SLC4A8: variants seen among roughly 807,000 people sequenced by gnomAD.
SLC4A8 encodes the protein solute carrier family 4 member 8.
Under a neutral mutation model 125.0 loss-of-function variants are expected in SLC4A8, and 40 were observed. That is an observed-to-expected ratio of 0.32 (90% CI 0.25 to 0.42). The LOEUF (loss-of-function observed/expected upper bound fraction) is 0.42, where lower values mean the gene tolerates loss of function less well. Ranked by LOEUF, SLC4A8 falls within the 10% of genes least tolerant of loss-of-function variation. The probability of loss-of-function intolerance (pLI) is 1.00; values close to 1 mark genes in which losing one functional copy is unlikely to be tolerated. For synonymous variants in SLC4A8, 456 were observed against 476.0 expected, an observed-to-expected ratio of 0.96 and a Z score of 0.55; for missense variants, 863 against 1,355.1, an observed-to-expected ratio of 0.64 and a Z score of 5.70.
chr12:51,416,956 C>A (rs1466821970), intron 1 of SLC4A8, among the ~76,000 whole-genome samples: 3 of 152,002 alleles, frequency 2.0e-5, no homozygotes, highest in East Asian at 3.9e-4. Flanking sequence ...GAAATCCTGT[C>A]TCTACAAAAA....
intron 16 of SLC4A8, among the ~76,000 whole-genome samples, chr12:51,476,845 C>T (rs1041264017): frequency 1.3e-5 from 2 of 151,320 alleles, no homozygotes; most frequent in Middle Eastern, 3.2e-3. Flanking sequence ...TTTCATTGCA[C>T]ACAATAATTT....
chr12:51,444,718 T>C lies in SLC4A8; in HGVS notation c.130+3929T>C, dbSNP rs17125786. 6.1e-3 allele frequency among the ~76,000 whole-genome samples: 926 copies of C among 152,302 alleles called. 38 individuals carry two copies. The highest frequency in any genetic ancestry group is 0.046 in the Admixed American group (701 of 15,292). ...AGAATAACCTAGCCTGAAACTTTCA[T>C]AGGACTCGAACATTAGAACCTGGAC... On this transcript the variant is annotated intron_variant, in intron 2 of 24. Coordinates refer to ENST00000453097, the MANE Select transcript of SLC4A8 (RefSeq NM_001039960.3).
chr12:51,459,858 G>GA (rs1592220630), intron 7 of SLC4A8, 93 bp from the exon 8 acceptor site: 1 of 1,107,838 alleles, frequency 9.0e-7, no homozygotes, highest in Non-Finnish European at 1.3e-6. Context: ...GATGTAGTGA[G>GA]ACTCTGTCTC....
At chr12:51,425,062 G>A (rs1352369008) in intron 1 of SLC4A8, 27 bp downstream of exon 1, 2 of 1,543,480 alleles carry the variant, frequency 1.3e-6, no homozygotes. Context: ...CGCGCCTCCC[G>A]CTCCTCCCCG....
Position 51,508,697 on chromosome 12 carries a change from C to T in SLC4A8, c.*1259C>T, listed in dbSNP as rs891408965. 1 of 152,306 alleles carries T rather than the reference C, an allele frequency of 6.6e-6. No individual in the cohort carries two copies. Among genetic ancestry groups the T allele is most frequent in the South Asian group, 2.1e-4 (1 of 4,832 alleles). 9.4% of individuals were successfully genotyped at this position (152,306 alleles called of 1,614,324 possible). On this transcript the variant is annotated 3_prime_UTR_variant, in exon 25 of 25. Coordinates refer to ENST00000453097, the MANE Select transcript of SLC4A8 (RefSeq NM_001039960.3). ...ACTACATTTATAGTTTTTCTCTTCT[C>T]TTCTATGTTGCAATGAATGTAAAGT...
At chr12:51,462,250 TGGTGATTGTTTCATGTAAA>T in intron 9 of SLC4A8, 41 bp from the exon 10 acceptor site, 1 of 1,457,744 alleles carries the variant, frequency 6.9e-7, no homozygotes, top group Non-Finnish European at 9.6e-7. Flanking sequence ...CCATATCCAT[TGGTGATTGTTTCATGTAAA>T]GTTACTTTTA....
At chr12:51,422,513 C>A (rs1323361942), upstream of SLC4A8, among the ~76,000 whole-genome samples, 2 of 152,104 alleles carry the variant, frequency 1.3e-5, no homozygotes, top group Non-Finnish European at 2.9e-5. Context: ...TGCCACCATG[C>A]CTGGCTAATT....
intron 22 of SLC4A8, among the ~76,000 whole-genome samples, chr12:51,503,063 C>T (rs1473668833): frequency 6.6e-6 from 1 of 150,994 alleles, no homozygotes; most frequent in Admixed American, 6.6e-5. Flanking sequence ...AGGGTGGTCT[C>T]GATCTCCTGA....
At chr12:51,473,593 A>G (rs899411580) in intron 14 of SLC4A8, among the ~76,000 whole-genome samples, 3 of 152,222 alleles carry the variant, frequency 2.0e-5, no homozygotes. Flanking sequence ...TATTAAATTC[A>G]CAGACCATAC....
At position 51,493,719 on chromosome 12, in the gene SLC4A8, G is replaced by C; in HGVS notation, c.2716G>C (p.Val906Leu). Residue 906 changes from valine (V) to leucine (L), a missense_variant, in exon 20 of 25, where the codon GTA becomes CTA. Physicochemically the swap from Val to Leu is conservative, Grantham distance 32. Transcript: ENST00000453097. Reference sequence around the variant, plus strand: ...TTGTCTTCAGTTTATTCCAATGCCAGTACTCTACGGAGTTTTCCTTTACAT... The same window carrying C: ...TTGTCTTCAGTTTATTCCAATGCCACTACTCTACGGAGTTTTCCTTTACAT... Reference protein sequence around the residue: ...TAILKFIPMPVLYGVFLYMGV... With the variant: ...TAILKFIPMPLLYGVFLYMGV... 1 of 1,609,146 alleles carries C rather than the reference G, an allele frequency of 6.2e-7. No individual in the cohort carries two copies. The highest frequency in any genetic ancestry group is 8.5e-7 in the Non-Finnish European group (1 of 1,175,498).
chr12:51,399,105 C>T (rs1320934488), intron 1 of SLC4A8, among the ~76,000 whole-genome samples: 1 of 152,146 alleles, frequency 6.6e-6, no homozygotes. Flanking sequence ...GGATTGAAGT[C>T]TATCTGATAT....
intron 1 of SLC4A8, among the ~76,000 whole-genome samples, chr12:51,430,483 C>T (rs1258033141): frequency 1.3e-5 from 2 of 152,006 alleles, no homozygotes; most frequent in Admixed American, 6.6e-5. Flanking sequence ...TTGCACATAC[C>T]CCTCCACCCT....
intron 24 of SLC4A8, among the ~76,000 whole-genome samples, chr12:51,506,933 G>C (rs939029885): frequency 2.0e-5 from 3 of 151,978 alleles, no homozygotes; most frequent in Non-Finnish European, 4.4e-5. Context: ...GACAAAATCT[G>C]AGGCCTTCCT....
rs7294353 is a variant in SLC4A8 at position 51,469,759 on chromosome 12, C to T, written c.1495C>T (p.Leu499=). 0.014 allele frequency: 22,946 copies of T among 1,613,946 alleles called. 1,614 individuals are homozygous for T. In the African/African-American group the frequency reaches 0.18, roughly 13 times the overall value. ...CMSPVITFGG[L]LGEATEGRIS... is the part of the protein sequence containing the mutation. ...GTCACCTGTCATCACCTTTGGGGGACTGCTTGGAGAAGCCACTGAGGGACG... is the reference window on the plus strand; with the variant it reads ...GTCACCTGTCATCACCTTTGGGGGATTGCTTGGAGAAGCCACTGAGGGACG... The change falls in exon 12 of 25, where the codon CTG becomes TTG. Residue 499 remains leucine (L), a synonymous_variant. Transcript: ENST00000453097.
At chr12:51,492,063 TGAG>T (rs1347652823) in intron 19 of SLC4A8, among the ~76,000 whole-genome samples, 1 of 152,204 alleles carries the variant, frequency 6.6e-6, no homozygotes, top group Non-Finnish European at 1.5e-5. Flanking sequence ...GTGGCTAGTA[TGAG>T]AAGTGGGGCT....
rs369035836 is a variant in SLC4A8, at chr12:51,480,276, C to A, written c.2172+5070C>A. The A allele has an allele frequency of 1.7e-4, 213 of 1,260,986 alleles. No homozygotes were observed. In the African/African-American group the frequency reaches 1.7e-3, roughly 10 times the overall value. The allele number at this position is 1,260,986 out of a possible 1,614,324, so 78.1% of individuals were successfully genotyped here. A position where few individuals can be genotyped will look rare whatever the true frequency, so the allele number is the denominator to read the frequency against. Reference sequence around the variant, plus strand: ...GATTGAGAGTTGGGAAAAACTGGAGCAAATAATGGATTTCTTTCTTGCTTA... The same window carrying A: ...GATTGAGAGTTGGGAAAAACTGGAGAAAATAATGGATTTCTTTCTTGCTTA... On this transcript the variant is annotated intron_variant, in intron 16 of 24. Coordinates refer to ENST00000453097, the MANE Select transcript of SLC4A8 (RefSeq NM_001039960.3).
chr12:51,404,695 G>A (rs1219737162), intron 1 of SLC4A8, among the ~76,000 whole-genome samples: 2 of 152,196 alleles, frequency 1.3e-5, no homozygotes, highest in Non-Finnish European at 2.9e-5. Context: ...AGAAAGCAGA[G>A]AAAGATAAAG....
chr12:51,480,520 G>A lies in SLC4A8; in HGVS notation c.2173-5267G>A, dbSNP rs759709557. 1.2e-4 allele frequency: 118 copies of A among 997,562 alleles called. 1 individual carries two copies. In the South Asian group the frequency reaches 2.8e-3, roughly 23 times the overall value. The allele number at this position is 997,562 out of a possible 1,614,324, so 61.8% of individuals were successfully genotyped here. A position where few individuals can be genotyped will look rare whatever the true frequency, so the allele number is the denominator to read the frequency against. ...TGTGAAGTTCTCACTGTATGTGGAT[G>A]TTCATGTGAAAGATAGTACTTTCTT... On this transcript the variant is annotated intron_variant, in intron 16 of 24. Coordinates refer to ENST00000453097, the MANE Select transcript of SLC4A8 (RefSeq NM_001039960.3).
chr12:51,515,385 CA>C lies in SLC4A8; in HGVS notation c.*7949del, dbSNP rs1938497318. On this transcript the variant is annotated 3_prime_UTR_variant, in exon 25 of 25. Coordinates refer to ENST00000453097, the MANE Select transcript of SLC4A8 (RefSeq NM_001039960.3). ...TAATGGTGTCAGGTGGAGAACAGAGCAACCTTCCCTCGGAAGGAGACAATTC... is the reference window on the plus strand; with the variant it reads ...TAATGGTGTCAGGTGGAGAACAGAGCACCTTCCCTCGGAAGGAGACAATTC... 6.6e-6 allele frequency: 1 copy of C among 152,214 alleles called. No individual in the cohort carries two copies. The highest frequency in any genetic ancestry group is 2.4e-5 in the African/African-American group (1 of 41,452). The allele number at this position is 152,214 out of a possible 1,614,324, so 9.4% of individuals were successfully genotyped here. A position where few individuals can be genotyped will look rare whatever the true frequency, so the allele number is the denominator to read the frequency against.
Sources: gnomAD v4.1 joint callset for allele counts (sites outside exome capture counted in the v4.1 genomes callset) on GRCh38, gnomAD v4.1.1 for gene constraint, MANE v1.5 for transcripts, NCBI Gene and HGNC (gene_info 2026-07-23, HGNC 2026-07-21) for gene names.